EPN2: variants seen among roughly 807,000 people sequenced by gnomAD.
EPN2 encodes epsin 2, also known as epsin-2.
Under a neutral mutation model 61.7 loss-of-function variants are expected in EPN2, and 34 were observed. The observed-to-expected ratio is 0.55, with a 90% CI of 0.42 to 0.73. The LOEUF is 0.73. EPN2 is among the 30% of genes least tolerant of loss of function. The probability of loss-of-function intolerance (pLI) is 0.00; values close to 1 mark genes in which losing one functional copy is unlikely to be tolerated. For synonymous variants in EPN2, 349 were observed against 353.6 expected (o/e 0.99, Z 0.15); for missense variants, 714 against 839.2 (o/e 0.85, Z 1.84).
intron 5 of EPN2, among the ~76,000 whole-genome samples, chr17:19,310,953 A>G (rs1160730424): frequency 6.6e-6 from 1 of 152,076 alleles, no homozygotes; most frequent in Non-Finnish European, 1.5e-5. Flanking sequence ...GGCCTTACAA[A>G]TTGTCAAGCC....
intron 4 of EPN2, among the ~76,000 whole-genome samples, chr17:19,293,534 CTTTTTT>C (rs71155390): frequency 8.6e-4 from 45 of 52,436 alleles, no homozygotes; most frequent in Non-Finnish European, 1.2e-3. Flanking sequence ...CCATACCCAG[CTTTTTT>C]TTTTTTTTTT....
intron 1 of EPN2, among the ~76,000 whole-genome samples, chr17:19,259,678 A>G (rs1322508084): frequency 6.6e-6 from 1 of 151,738 alleles, no homozygotes. Context: ...TTTCTCTTTT[A>G]CACTCTCCCT....
chr17:19,308,436 T>C, intron 4 of EPN2: 1 of 985,406 alleles, frequency 1.0e-6, no homozygotes, highest in Non-Finnish European at 1.2e-6. Flanking sequence ...TGTCCATCTG[T>C]CGACCTGTGC....
intron 4 of EPN2, among the ~76,000 whole-genome samples, chr17:19,308,770 C>A (rs552416723): frequency 6.6e-6 from 1 of 152,300 alleles, no homozygotes; most frequent in South Asian, 2.1e-4. Context: ...GAGGTGGGCA[C>A]ATACTTCTAA....
chr17:19,306,959 T>C (rs1225959536), intron 4 of EPN2, among the ~76,000 whole-genome samples: 1 of 152,146 alleles, frequency 6.6e-6, no homozygotes, highest in Non-Finnish European at 1.5e-5. Context: ...CTGGAGTGGT[T>C]AATGATTTGG....
intron 7 of EPN2, among the ~76,000 whole-genome samples, chr17:19,326,331 G>A (rs1460821254): frequency 2.0e-5 from 3 of 152,182 alleles, no homozygotes; most frequent in Non-Finnish European, 2.9e-5. Flanking sequence ...GCCAAAACAA[G>A]ATTGTGATTT....
intron 1 of EPN2, among the ~76,000 whole-genome samples, chr17:19,245,731 C>T (rs1440983102): frequency 1.3e-5 from 2 of 150,944 alleles, no homozygotes; most frequent in East Asian, 1.9e-4. Flanking sequence ...GGCGCGATCT[C>T]GGCTCACTGC....
chr17:19,254,543 A>AAAAAAC (rs375673403), intron 1 of EPN2, among the ~76,000 whole-genome samples: 3 of 152,204 alleles, frequency 2.0e-5, no homozygotes, highest in African/African-American at 2.4e-5. Flanking sequence ...TCTGTCTCAA[A>AAAAAAC]AAAAACAAAA....
chr17:19,251,401 T>C (rs376579090), intron 1 of EPN2, among the ~76,000 whole-genome samples: 146 of 152,252 alleles, frequency 9.6e-4, no homozygotes, highest in African/African-American at 3.5e-3. Context: ...GGGGCTCTGT[T>C]AAAAGCGTTT....
chr17:19,258,148 G>C (rs2045102168), intron 1 of EPN2: 1 of 163,506 alleles, frequency 6.1e-6, no homozygotes, highest in African/African-American at 2.4e-5. Flanking sequence ...GGTGGCTGCT[G>C]GTGCTGGTGC....
intron 7 of EPN2, among the ~76,000 whole-genome samples, chr17:19,318,188 C>T (rs765936351): frequency 6.6e-6 from 1 of 152,200 alleles, no homozygotes; most frequent in Non-Finnish European, 1.5e-5. Context: ...TTGATTCAAG[C>T]ACAGACTTCA....
At chr17:19,267,983 G>T (rs1352723293) in intron 1 of EPN2, among the ~76,000 whole-genome samples, 1 of 152,254 alleles carries the variant, frequency 6.6e-6, no homozygotes, top group Non-Finnish European at 1.5e-5. Flanking sequence ...AATTTGGCAA[G>T]TGCAGATTTC....
At chr17:19,301,676 T>C (rs1248247612) in intron 4 of EPN2, among the ~76,000 whole-genome samples, 1 of 152,228 alleles carries the variant, frequency 6.6e-6, no homozygotes, top group Non-Finnish European at 1.5e-5. Flanking sequence ...CCTCAGAGCC[T>C]GTCCCCTGCT....
At position 19,283,790 on chromosome 17, in the gene EPN2, C is replaced by T. The variant is rs72836771; in HGVS notation, c.595+76C>T. 0.059 allele frequency: 67,861 copies of T among 1,157,628 alleles called. 2,286 individuals carry two copies. Among genetic ancestry groups the T allele is most frequent in the East Asian group, 0.12 (4,537 of 38,996 alleles). The allele number at this position is 1,157,628 out of a possible 1,614,324, so 71.7% of individuals were successfully genotyped here. ...GACAGGCAGGGTGGGTGTCTCTGGG[C>T]TTAGGGAGTGGTGGCCACTGCAGAG... On this transcript the variant is annotated intron_variant, in intron 3 of 10. Coordinates refer to ENST00000314728, the MANE Select transcript of EPN2 (RefSeq NM_014964.5). The surrounding 1 kb of genome is among the most constrained non-coding windows in gnomAD (Gnocchi z 7.0).
intron 4 of EPN2, chr17:19,308,223 G>A (rs764600522): frequency 1.1e-4 from 53 of 469,680 alleles, no homozygotes; most frequent in Non-Finnish European, 1.4e-4. Flanking sequence ...ACTGGCGCCC[G>A]CCACCACACC....
chr17:19,266,624 G>A (rs994444067), intron 1 of EPN2, among the ~76,000 whole-genome samples: 2 of 151,608 alleles, frequency 1.3e-5, no homozygotes, highest in Non-Finnish European at 2.9e-5. Flanking sequence ...GGATGGTTTC[G>A]ATCTCCTCAC....
chr17:19,294,597 G>A (rs1033882453), intron 4 of EPN2, among the ~76,000 whole-genome samples: 1 of 152,184 alleles, frequency 6.6e-6, no homozygotes, highest in African/African-American at 2.4e-5. Context: ...ATGCTTTAAG[G>A]TTGAGTTTAG....
intron 4 of EPN2, among the ~76,000 whole-genome samples, chr17:19,301,562 G>C (rs1905519946): frequency 6.6e-6 from 1 of 152,160 alleles, no homozygotes; most frequent in African/African-American, 2.4e-5. Flanking sequence ...GACCAGTCAA[G>C]TGGCATCACT....
chr17:19,336,363 C>A lies in EPN2; in HGVS notation c.*2109C>A, dbSNP rs1043394818. The A allele has an allele frequency of 6.6e-5, 10 of 152,316 alleles. No individual in the cohort carries two copies. Among genetic ancestry groups the A allele is most frequent in the Non-Finnish European group, 8.8e-5 (6 of 68,064 alleles). The allele number at this position is 152,316 out of a possible 1,614,324, so 9.4% of individuals were successfully genotyped here. On this transcript the variant is annotated 3_prime_UTR_variant, in exon 11 of 11. Coordinates refer to ENST00000314728, the MANE Select transcript of EPN2 (RefSeq NM_014964.5). Reference sequence around the variant, plus strand: ...GCCTTACAGGTCAGTAGACTAGACTCGACTACTTGGGGTCAGTGATTCTTT... The same window carrying A: ...GCCTTACAGGTCAGTAGACTAGACTAGACTACTTGGGGTCAGTGATTCTTT...
Sources: gnomAD v4.1 joint callset for allele counts (sites outside exome capture counted in the v4.1 genomes callset) on GRCh38, gnomAD v4.1.1 for gene constraint, Gnocchi (gnomAD v3.1) non-coding constraint, MANE v1.5 for transcripts, NCBI Gene and HGNC (gene_info 2026-07-23, HGNC 2026-07-21) for gene names.